ADCY8: variants seen among roughly 807,000 people sequenced by gnomAD.
ADCY8 encodes adenylate cyclase 8, also known as adenylate cyclase type 8.
ADCY8 carries 51 observed loss-of-function variants against 119.7 expected under a neutral mutation model. The observed-to-expected ratio is 0.43, with a 90% CI of 0.34 to 0.54. ADCY8 has a LOEUF of 0.54. ADCY8 is among the 20% of genes least tolerant of loss of function. ADCY8 has a pLI of 0.03. For missense variants in ADCY8, 1,383 were observed against 1,598.8 expected, an observed-to-expected ratio of 0.87 and a Z score of 2.30; for synonymous variants, 665 against 651.0, an observed-to-expected ratio of 1.02 and a Z score of -0.33.
intron 16 of ADCY8, 124 bp downstream of exon 16, chr8:130,785,259 G>C (rs1815213594): frequency 1.7e-6 from 1 of 598,936 alleles, no homozygotes; most frequent in Non-Finnish European, 2.8e-6. Context: ...TTATAATCCA[G>C]TCCATTAGAT....
chr8:130,971,616 T>G, intron 2 of ADCY8, among the ~76,000 whole-genome samples: 1 of 152,158 alleles, frequency 6.6e-6, no homozygotes, highest in Non-Finnish European at 1.5e-5. Context: ...TAACTGAGTG[T>G]GATAAATGCA....
chr8:131,005,429 C>T (rs1379775490), intron 1 of ADCY8, among the ~76,000 whole-genome samples: 1 of 152,186 alleles, frequency 6.6e-6, no homozygotes, highest in East Asian at 1.9e-4. Flanking sequence ...GTTCCCTCTC[C>T]TGACTCTTAT....
chr8:131,009,428 G>A (rs946575773), intron 1 of ADCY8, among the ~76,000 whole-genome samples: 3 of 152,136 alleles, frequency 2.0e-5, no homozygotes, highest in Admixed American at 1.3e-4. Flanking sequence ...TCATGATAGT[G>A]AGTGAGTCCT....
chr8:130,945,966 A>G (rs1821094714), intron 3 of ADCY8, among the ~76,000 whole-genome samples: 1 of 152,226 alleles, frequency 6.6e-6, no homozygotes, highest in African/African-American at 2.4e-5. Context: ...AATTTGAACC[A>G]GGAAGCCTGG....
chr8:130,859,066 G>A (rs1001122751), intron 9 of ADCY8, among the ~76,000 whole-genome samples: 6 of 152,060 alleles, frequency 3.9e-5, no homozygotes, highest in African/African-American at 1.4e-4. Context: ...CCTTTTATTG[G>A]ATATCGGCAT....
intron 2 of ADCY8, among the ~76,000 whole-genome samples, chr8:130,952,850 C>G (rs1821315306): frequency 6.6e-6 from 1 of 151,952 alleles, no homozygotes; most frequent in African/African-American, 2.4e-5. Flanking sequence ...ACTTTAGTTG[C>G]CTGGGAGAGT....
chr8:130,940,573 A>C (rs1271488625), intron 4 of ADCY8, among the ~76,000 whole-genome samples: 1 of 152,156 alleles, frequency 6.6e-6, no homozygotes, highest in Non-Finnish European at 1.5e-5. Flanking sequence ...CTTATCTGTC[A>C]AGGTCTGTCA....
At chr8:130,892,868 C>A (rs1002670923) in intron 7 of ADCY8, 2 of 152,094 alleles carry the variant, frequency 1.3e-5, no homozygotes, top group Non-Finnish European at 2.9e-5. Flanking sequence ...TCCCTTAGAG[C>A]TGGCCTAAGG....
chr8:130,788,797 A>G (rs1815337057), intron 15 of ADCY8, among the ~76,000 whole-genome samples: 1 of 152,166 alleles, frequency 6.6e-6, no homozygotes, highest in Non-Finnish European at 1.5e-5. Context: ...AAATTAAAAA[A>G]ATTTGCAAAT....
At position 130,894,750 on chromosome 8, in the gene ADCY8, G is replaced by A. The variant is rs1429669734; in HGVS notation, c.1911+9022C>T. 5.3e-5 allele frequency among the ~76,000 whole-genome samples: 8 copies of A among 152,254 alleles called. No individual in the cohort carries two copies. The East Asian group carries it at 9.6e-4, about 18-fold the overall frequency. On this transcript the variant is annotated intron_variant, in intron 7 of 17. Transcript: ENST00000286355. ...GCTGTTCAGGCCAACAAAAATATCC[G>A]TTATCTTTTCTCTGGCTAGAATTCA...
At chr8:130,867,550 G>T (rs1184215663) in intron 9 of ADCY8, among the ~76,000 whole-genome samples, 1 of 147,128 alleles carries the variant, frequency 6.8e-6, no homozygotes, top group African/African-American at 2.6e-5. Flanking sequence ...TGGTGTTGAG[G>T]TTCTTATACC....
chr8:130,982,972 T>C (rs1411082101), intron 2 of ADCY8, among the ~76,000 whole-genome samples: 1 of 152,206 alleles, frequency 6.6e-6, no homozygotes. Context: ...AGAGATTTTC[T>C]GACTTCTAGC....
At chr8:130,797,988 A>T (rs949832192) in intron 15 of ADCY8, among the ~76,000 whole-genome samples, 12 of 152,240 alleles carry the variant, frequency 7.9e-5, no homozygotes, top group African/African-American at 2.9e-4. Flanking sequence ...ACTTAGTGGT[A>T]TGTGACTCTG....
intron 9 of ADCY8, among the ~76,000 whole-genome samples, chr8:130,854,066 C>T (rs780528281): frequency 3.9e-5 from 6 of 152,178 alleles, no homozygotes; most frequent in Non-Finnish European, 7.3e-5. Context: ...ACAAGATTAG[C>T]TTTTTAAGCA....
At chr8:130,943,214 G>A (rs933486312) in intron 4 of ADCY8, 137 bp downstream of exon 4, 63 of 613,700 alleles carry the variant, frequency 1.0e-4, no homozygotes, top group Admixed American at 5.8e-4. Context: ...AATGTGAGAG[G>A]GTCAGGGTCC....
At chr8:130,915,910 C>T (rs992383354) in intron 5 of ADCY8, among the ~76,000 whole-genome samples, 1 of 152,116 alleles carries the variant, frequency 6.6e-6, no homozygotes, top group African/African-American at 2.4e-5. Context: ...ATTGATTGGG[C>T]CCCAGTCACC....
intron 1 of ADCY8, among the ~76,000 whole-genome samples, chr8:131,038,786 C>A (rs183988224): frequency 3.9e-4 from 60 of 152,234 alleles, no homozygotes; most frequent in African/African-American, 1.4e-3. Context: ...GTCACCAAGG[C>A]AATAAAAAAT....
chr8:130,820,199 A>G (rs188586465), intron 13 of ADCY8, among the ~76,000 whole-genome samples: 128 of 152,246 alleles, frequency 8.4e-4, no homozygotes, highest in South Asian at 1.9e-3. Context: ...TCTTGACTAC[A>G]CTGTACAATC....
At chr8:130,833,631 C>T (rs1816903616) in intron 12 of ADCY8, among the ~76,000 whole-genome samples, 1 of 152,120 alleles carries the variant, frequency 6.6e-6, no homozygotes, top group African/African-American at 2.4e-5. Context: ...TGGGACTTCC[C>T]AGCCTCCAGA....
Sources: gnomAD v4.1 joint callset for allele counts (sites outside exome capture counted in the v4.1 genomes callset) on GRCh38, gnomAD v4.1.1 for gene constraint, MANE v1.5 for transcripts, NCBI Gene and HGNC (gene_info 2026-07-23, HGNC 2026-07-21) for gene names.